Variants in SNX14 observed in about 807,000 individuals in gnomAD.
SNX14 encodes sorting nexin-14.
In SNX14, 93 loss-of-function variants were observed where a neutral mutation model predicts 133.8. The observed-to-expected ratio is 0.70, with a 90% confidence interval of 0.59 to 0.83. The LOEUF (loss-of-function observed/expected upper bound fraction) is 0.83, where lower values mean the gene tolerates loss of function less well. Ranked by LOEUF, SNX14 falls within the 40% of genes least tolerant of loss-of-function variation. The pLI, the probability that SNX14 is intolerant of heterozygous loss-of-function variation, is 0.00. For missense variants in SNX14, 945 were observed against 1,094.9 expected, an observed-to-expected ratio of 0.86 and a Z score of 1.93; for synonymous variants, 368 against 365.6, an observed-to-expected ratio of 1.01 and a Z score of -0.07.
At chr6:85,567,663 A>G (rs952344651) in intron 4 of SNX14, 86 bp from the exon 5 acceptor site, 11 of 816,206 alleles carry the variant, frequency 1.3e-5, no homozygotes, top group Non-Finnish European at 2.0e-5. Context: ...ATGTAACATT[A>G]CCAAGAAACA....
intron 23 of SNX14, 59 bp from the exon 24 acceptor site, chr6:85,514,688 A>T: frequency 6.5e-7 from 1 of 1,527,150 alleles, no homozygotes; most frequent in Admixed American, 1.7e-5. Flanking sequence ...GCTGACGATA[A>T]TCAATAAGGA....
At chr6:85,563,346 T>C (rs1368794597) in intron 6 of SNX14, among the ~76,000 whole-genome samples, 2 of 152,180 alleles carry the variant, frequency 1.3e-5, no homozygotes, top group Non-Finnish European at 2.9e-5. Flanking sequence ...CAAATATATA[T>C]AGGCAATGAT....
At chr6:85,557,536 T>G (rs898552147) in intron 7 of SNX14, among the ~76,000 whole-genome samples, 3 of 152,166 alleles carry the variant, frequency 2.0e-5, no homozygotes, top group Non-Finnish European at 4.4e-5. Context: ...TCTGACTAGA[T>G]AGAAAAGGAT....
chr6:85,583,156 C>T (rs1164188113), intron 1 of SNX14, among the ~76,000 whole-genome samples: 15 of 152,096 alleles, frequency 9.9e-5, no homozygotes. Context: ...ATCACAAAAA[C>T]CACATGATTA....
chr6:85,546,526 T>C (rs558048832), intron 12 of SNX14, among the ~76,000 whole-genome samples: 1 of 152,160 alleles, frequency 6.6e-6, no homozygotes, highest in East Asian at 1.9e-4. Flanking sequence ...GGCTACAGTT[T>C]GGGTTTTTAA....
At chr6:85,585,568 A>G (rs1164251465) in intron 1 of SNX14, among the ~76,000 whole-genome samples, 2 of 152,218 alleles carry the variant, frequency 1.3e-5, no homozygotes, top group Non-Finnish European at 2.9e-5. Flanking sequence ...CTTTGAAAAA[A>G]TTAATAAAAC....
chr6:85,532,867 A>C (rs1780698407), intron 18 of SNX14, among the ~76,000 whole-genome samples: 1 of 152,108 alleles, frequency 6.6e-6, no homozygotes, highest in Non-Finnish European at 1.5e-5. Flanking sequence ...GAAGCTTGTA[A>C]AGTTTTAACC....
Position 85,530,283 on chromosome 6 carries a change from T to C in SNX14, c.1811-8A>G. On this transcript the variant is annotated splice_region_variant and splice_polypyrimidine_tract_variant and intron_variant, in intron 18 of 28. Coordinates refer to ENST00000314673, the MANE Select transcript of SNX14 (RefSeq NM_153816.6). ...GTTCAGGCTCGTGTCCAACTGTAAA[T>C]TGAGTACACACACACTGAGTAACAA... is the stretch of plus-strand genomic sequence containing the variant. 1 of 1,537,660 alleles carries C rather than the reference T, an allele frequency of 6.5e-7. No homozygotes were observed. Among genetic ancestry groups the C allele is most frequent in the Non-Finnish European group, 8.9e-7 (1 of 1,119,696 alleles).
chr6:85,589,551 C>G (rs1052614307), intron 1 of SNX14: 4 of 152,544 alleles, frequency 2.6e-5, no homozygotes, highest in African/African-American at 9.7e-5. Context: ...TTCTTCCTCA[C>G]TGTCTAGCAC....
chr6:85,540,197 G>A (rs1444098414), intron 15 of SNX14, among the ~76,000 whole-genome samples: 2 of 152,126 alleles, frequency 1.3e-5, no homozygotes, highest in Non-Finnish European at 2.9e-5. Flanking sequence ...CCTGACCTGA[G>A]GTGATCTGCC....
chr6:85,545,465 C>A (rs1332186863), intron 12 of SNX14, among the ~76,000 whole-genome samples: 3 of 151,720 alleles, frequency 2.0e-5, no homozygotes, highest in Middle Eastern at 3.2e-3. Context: ...AATGAACACT[C>A]AAATATAAAG....
At chr6:85,561,420 C>CGTA (rs1791565126) in intron 6 of SNX14, 1 of 151,690 alleles carries the variant, frequency 6.6e-6, no homozygotes, top group Non-Finnish European at 1.5e-5. Flanking sequence ...ATTAGCTAAC[C>CGTA]GTAATATGGC....
intron 17 of SNX14, among the ~76,000 whole-genome samples, 177 bp downstream of exon 17, chr6:85,536,615 A>G (rs1782031522): frequency 6.6e-6 from 1 of 152,238 alleles, no homozygotes; most frequent in Non-Finnish European, 1.5e-5. Flanking sequence ...TCATGAAACT[A>G]TCACAACTAA....
chr6:85,562,278 T>C (rs1465012728), intron 6 of SNX14, among the ~76,000 whole-genome samples: 1 of 152,208 alleles, frequency 6.6e-6, no homozygotes, highest in African/African-American at 2.4e-5. Flanking sequence ...CTACAATTTA[T>C]ATTCCTTTGA....
intron 7 of SNX14, among the ~76,000 whole-genome samples, chr6:85,557,545 A>T (rs994281721): frequency 5.9e-5 from 9 of 152,212 alleles, no homozygotes; most frequent in African/African-American, 1.9e-4. Context: ...ATAGAAAAGG[A>T]TTTAAATACA....
rs772641683 is a variant in SNX14, at chr6:85,526,209, T to G, written c.2024A>C (p.Asn675Thr). The change falls in exon 21 of 29, where the codon AAT (asparagine) becomes ACT (threonine). Residue 675 changes from asparagine to threonine, a missense_variant. Asn to Thr is a moderately conservative substitution (Grantham distance 65, BLOSUM62 0). Around this residue, in one of 3 missense-constraint regions of SNX14, gnomAD observed 412 missense variants for 516.6 expected, o/e 0.80. Coordinates refer to ENST00000314673, the MANE Select transcript of SNX14 (RefSeq NM_153816.6). Reference sequence around the variant, plus strand: ...AAGAAAGTCTGCCAGAAGTTGACTATTACTCAGTTCTGGATGCTGCAGAAG... The same window carrying G: ...AAGAAAGTCTGCCAGAAGTTGACTAGTACTCAGTTCTGGATGCTGCAGAAG... ...QKLLQHPELSNSQLLADFLSP... is the reference protein window; with the variant it reads ...QKLLQHPELSTSQLLADFLSP... The G allele has an allele frequency of 1.2e-6, 2 of 1,607,394 alleles. No individual in the cohort carries two copies. Among genetic ancestry groups the G allele is most frequent in the Non-Finnish European group, 1.7e-6 (2 of 1,176,866 alleles).
At chr6:85,567,819 CA>C in intron 4 of SNX14, 1 of 276,244 alleles carries the variant, frequency 3.6e-6, no homozygotes, top group African/African-American at 2.3e-5. Flanking sequence ...CCTGTATCTA[CA>C]AAAAACAGAA....
intron 1 of SNX14, among the ~76,000 whole-genome samples, chr6:85,584,319 C>A (rs1191370510): frequency 6.6e-6 from 1 of 152,136 alleles, no homozygotes; most frequent in Non-Finnish European, 1.5e-5. Flanking sequence ...TAGGCAATAC[C>A]ATTTAGGACA....
intron 7 of SNX14, among the ~76,000 whole-genome samples, chr6:85,554,546 T>A (rs1256089767): frequency 6.6e-6 from 1 of 152,088 alleles, no homozygotes; most frequent in Non-Finnish European, 1.5e-5. Flanking sequence ...ATTTGAAAAC[T>A]TTTTTTATAA....
Sources: allele counts gnomAD v4.1 joint callset (sites outside exome capture counted in the v4.1 genomes callset), GRCh38; gene constraint gnomAD v4.1.1; regional missense constraint gnomAD v4.1.1; transcripts MANE v1.5; gene names NCBI Gene and HGNC (gene_info 2026-07-23, HGNC 2026-07-21).